RNFT2: variants seen among roughly 807,000 people sequenced by gnomAD.
RNFT2 encodes the protein E3 ubiquitin-protein ligase RNFT2.
RNFT2 carries 36 observed loss-of-function variants against 53.0 expected under a neutral mutation model. The observed-to-expected ratio is 0.68, with a 90% CI of 0.52 to 0.90. The LOEUF is 0.90. Among genes scored for constraint, RNFT2 ranks in the 40% least tolerant of loss-of-function variants. RNFT2 has a pLI of 0.00. For missense variants in RNFT2, 514 were observed against 585.6 expected (o/e 0.88, Z 1.26); for synonymous variants, 260 against 253.2 (o/e 1.03, Z -0.26).
At chr12:116,811,586 G>A (rs1030498665) in intron 7 of RNFT2, among the ~76,000 whole-genome samples, 7 of 152,186 alleles carry the variant, frequency 4.6e-5, no homozygotes, top group Non-Finnish European at 7.4e-5. Context: ...ATGTTGGCCA[G>A]GCTGATCTTA....
At chr12:116,750,885 AT>A (rs1293849478) in intron 4 of RNFT2, among the ~76,000 whole-genome samples, 2 of 1,044 alleles carry the variant, frequency 1.9e-3, no homozygotes, top group Non-Finnish European at 2.8e-3. Context: ...TATATATTAT[AT>A]ATATAATATA....
chr12:116,806,745 C>CA (rs59532955), intron 7 of RNFT2, among the ~76,000 whole-genome samples: 10,300 of 89,496 alleles, frequency 0.12, 781 homozygotes, highest in African/African-American at 0.25. Context: ...GACCCTCTCT[C>CA]AAAAAAAAAA....
At chr12:116,781,026 G>T (rs552957203) in intron 7 of RNFT2, among the ~76,000 whole-genome samples, 1 of 152,252 alleles carries the variant, frequency 6.6e-6, no homozygotes, top group African/African-American at 2.4e-5. Flanking sequence ...AAGAACTATT[G>T]GTTGTGGGAA....
chr12:116,740,553 A>T (rs372339023), intron 2 of RNFT2, 32 bp downstream of exon 2: 4 of 1,553,128 alleles, frequency 2.6e-6, no homozygotes, highest in Non-Finnish European at 2.6e-6. Flanking sequence ...TTGCATCTTT[A>T]TTACTACTTG....
rs1876808319 is a variant in RNFT2, at chr12:116,833,740, T to C, written c.883-52T>C. 3.7e-6 allele frequency: 6 copies of C among 1,603,008 alleles called. No individual in the cohort carries two copies. In the South Asian group the frequency reaches 6.7e-5, roughly 18 times the overall value. On this transcript the variant is annotated intron_variant, in intron 7 of 10. Coordinates refer to ENST00000257575, the MANE Select transcript of RNFT2 (RefSeq NM_001382266.1). ...CGGGGCGGGGGGCCCCCCAGCTGGGTCCTTTGGGTCTTTACTGCTAATAAT... is the reference window on the plus strand; with the variant it reads ...CGGGGCGGGGGGCCCCCCAGCTGGGCCCTTTGGGTCTTTACTGCTAATAAT...
At chr12:116,771,484 AAAAAAAAAAAATACG>A (rs1873185763) in intron 6 of RNFT2, among the ~76,000 whole-genome samples, 1 of 115,940 alleles carries the variant, frequency 8.6e-6, no homozygotes, top group African/African-American at 3.0e-5. Flanking sequence ...AAAAAAAAAA[AAAAAAAAAAAATACG>A]TATATGAGCA....
At chr12:116,802,005 AGAGATG>A (rs777309182) in intron 7 of RNFT2, among the ~76,000 whole-genome samples, 1 of 152,150 alleles carries the variant, frequency 6.6e-6, no homozygotes, top group Non-Finnish European at 1.5e-5. Context: ...TATTTGTAGC[AGAGATG>A]GAGTTTCGCC....
chr12:116,740,504 C>G lies in RNFT2; in HGVS notation c.7C>G (p.Leu3Val). The change falls in exon 2 of 11, where the codon CTC (leucine) becomes GTC (valine). Residue 3 changes from leucine to valine, a missense_variant. Leu to Val is a conservative substitution (Grantham distance 32). This residue lies in a region of RNFT2 where 237 missense variants were observed against 235.1 expected (regional missense o/e 1.01). Transcript: ENST00000257575. MW[L>V]FTVNQVLRKM... Reference sequence around the variant, plus strand: ...ACATGGAGTTCTGAAGTCCATGTGGCTCTTCACAGTGAATCAGGTGACACG... The same window carrying G: ...ACATGGAGTTCTGAAGTCCATGTGGGTCTTCACAGTGAATCAGGTGACACG... 6.4e-7 allele frequency: 1 copy of G among 1,574,032 alleles called. No individual in the cohort carries two copies. The highest frequency in any genetic ancestry group is 8.6e-7 in the Non-Finnish European group (1 of 1,158,528).
chr12:116,740,193 AAAG>A (rs1331467858), intron 1 of RNFT2, among the ~76,000 whole-genome samples, 149 bp from the exon 2 acceptor site: 1 of 152,078 alleles, frequency 6.6e-6, no homozygotes, highest in Non-Finnish European at 1.5e-5. Context: ...TAAAAAAAAA[AAAG>A]GAGTTTCAAG....
At chr12:116,819,219 T>G (rs771895891) in intron 7 of RNFT2, among the ~76,000 whole-genome samples, 3 of 152,116 alleles carry the variant, frequency 2.0e-5, no homozygotes, top group Non-Finnish European at 4.4e-5. Context: ...AATGTCCAAA[T>G]AAGAGAGCGG....
At chr12:116,805,256 C>T (rs374900190) in intron 7 of RNFT2, among the ~76,000 whole-genome samples, 2 of 151,744 alleles carry the variant, frequency 1.3e-5, no homozygotes, top group South Asian at 2.1e-4. Flanking sequence ...GAGGTAATAG[C>T]GGGCAGTTCT....
At chr12:116,831,976 A>G (rs1876673780) in intron 7 of RNFT2, among the ~76,000 whole-genome samples, 1 of 151,324 alleles carries the variant, frequency 6.6e-6, no homozygotes, top group Non-Finnish European at 1.5e-5. Flanking sequence ...TAAAAATACA[A>G]AAAAATTAGC....
chr12:116,741,044 G>A lies in RNFT2; in HGVS notation c.33G>A (p.Arg11=), dbSNP rs1439499640. Residue 11 remains arginine, a synonymous_variant, in exon 3 of 11, where the codon AGG becomes AGA. Transcript: ENST00000257575. Reference sequence around the variant, plus strand: ...CATGTGTTGGGTTTTAGGTGTTAAGGAAGATGCAGAGACGCCACAGCAGCA... The same window carrying A: ...CATGTGTTGGGTTTTAGGTGTTAAGAAAGATGCAGAGACGCCACAGCAGCA... MWLFTVNQVL[R]KMQRRHSSNT... 2.5e-6 allele frequency: 4 copies of A among 1,610,754 alleles called. No homozygotes were observed. The highest frequency in any genetic ancestry group is 2.2e-5 in the East Asian group (1 of 44,830).
chr12:116,796,348 A>C (rs180962952), intron 7 of RNFT2, among the ~76,000 whole-genome samples: 1 of 152,328 alleles, frequency 6.6e-6, no homozygotes, highest in African/African-American at 2.4e-5. Context: ...ATAACACAGC[A>C]TTTGACCAAC....
At chr12:116,838,954 G>A (rs530314082) in intron 10 of RNFT2, among the ~76,000 whole-genome samples, 324 of 152,332 alleles carry the variant, frequency 2.1e-3, no homozygotes, top group Admixed American at 4.4e-3. Flanking sequence ...GCTAGGCCTG[G>A]AAAGGCAGAG....
intron 7 of RNFT2, among the ~76,000 whole-genome samples, chr12:116,785,847 G>A (rs1487330090): frequency 3.3e-5 from 5 of 152,132 alleles, no homozygotes; most frequent in East Asian, 1.9e-4. Context: ...TCATGAGTTC[G>A]AGACAAGCCT....
chr12:116,794,943 T>C (rs1421593162), intron 7 of RNFT2, among the ~76,000 whole-genome samples: 1 of 152,034 alleles, frequency 6.6e-6, no homozygotes, highest in Non-Finnish European at 1.5e-5. Flanking sequence ...CTTTGTCCAC[T>C]TACTTGATTC....
intron 3 of RNFT2, among the ~76,000 whole-genome samples, chr12:116,748,284 G>A (rs1872007073): frequency 6.6e-6 from 1 of 152,174 alleles, no homozygotes; most frequent in African/African-American, 2.4e-5. Flanking sequence ...CCAATTCTGG[G>A]CTCTCCATTC....
intron 6 of RNFT2, among the ~76,000 whole-genome samples, chr12:116,771,397 C>CT (rs1212518398): frequency 7.0e-6 from 1 of 142,844 alleles, no homozygotes; most frequent in Non-Finnish European, 1.5e-5. Context: ...GAGGTCAAGG[C>CT]TGCAGTGAGC....
Sources: gnomAD v4.1 joint callset for allele counts (sites outside exome capture counted in the v4.1 genomes callset) on GRCh38, gnomAD v4.1.1 for gene constraint, gnomAD v4.1.1 regional missense constraint, MANE v1.5 for transcripts, NCBI Gene and HGNC (gene_info 2026-07-23, HGNC 2026-07-21) for gene names.